The following GRID2 variants were observed in gnomAD, a reference collection of about 807,000 sequenced individuals.
The protein encoded by GRID2 is glutamate receptor ionotropic, delta-2.
In GRID2, 33 loss-of-function variants were observed where a neutral mutation model predicts 114.8. The ratio of observed to expected loss-of-function variants is 0.29; its 90% confidence interval spans 0.22 to 0.38. The LOEUF is 0.38. GRID2 is among the 10% of genes least tolerant of loss of function. GRID2 has a pLI of 1.00. For missense variants in GRID2, 1,184 were observed against 1,257.7 expected, an observed-to-expected ratio of 0.94 and a Z score of 0.89; for synonymous variants, 505 against 449.9, an observed-to-expected ratio of 1.12 and a Z score of -1.55.
Position 93,211,269 on chromosome 4 carries a change from A to G in GRID2, c.789+3812A>G, listed in dbSNP as rs537181531. On this transcript the variant is annotated intron_variant, in intron 5 of 15. Transcript: ENST00000282020. ...GGAAGAAATGGCATCTTCATATTGT[A>G]TAGGTGTAGCCTGAATAGACTAGCA... Among the ~76,000 whole-genome samples, 9 of 152,242 alleles carry G rather than the reference A, an allele frequency of 5.9e-5. No individual in the cohort carries two copies. The South Asian group carries it at 1.7e-3, about 28-fold the overall frequency.
In GRID2 at chr4:92,953,691, C is replaced by T. The variant is rs181333508; in HGVS notation, c.245-131304C>T. Among the ~76,000 whole-genome samples the T allele has an allele frequency of 2.0e-4, 31 of 152,120 alleles. No homozygotes were observed. In the East Asian group the frequency reaches 5.6e-3, roughly 28 times the overall value. Reference sequence around the variant, plus strand: ...TCCAACAGGAATCAATATGATGATTCATTAGCAATGAGCTCTCACTGAGAG... The same window carrying T: ...TCCAACAGGAATCAATATGATGATTTATTAGCAATGAGCTCTCACTGAGAG... On this transcript the variant is annotated intron_variant, in intron 2 of 15. Transcript: ENST00000282020.
At chr4:93,796,116 T>C (rs1578799567) in intron 1 of GRID2, among the ~76,000 whole-genome samples, 1 of 152,230 alleles carries the variant, frequency 6.6e-6, no homozygotes, top group East Asian at 1.9e-4. Flanking sequence ...GGTGGCCATT[T>C]CCAGATGCCC....
At position 92,876,278 on chromosome 4, in the gene GRID2, T is replaced by A. The variant is rs189838133; in HGVS notation, c.245-208717T>A. Among the ~76,000 whole-genome samples the A allele has an allele frequency of 4.1e-3, 617 of 148,680 alleles. 7 individuals carry two copies. The highest frequency in any genetic ancestry group is 0.013 in the African/African-American group (532 of 40,810). Reference sequence around the variant, plus strand: ...AAAAAACCCAATTATCTTTTTTTTTTATTATTTTATTTATTTATTTATTTA... The same window carrying A: ...AAAAAACCCAATTATCTTTTTTTTTAATTATTTTATTTATTTATTTATTTA... On this transcript the variant is annotated intron_variant, in intron 2 of 15. Coordinates refer to ENST00000282020, the MANE Select transcript of GRID2 (RefSeq NM_001510.4).
chr4:93,408,085 C>G (rs899539358), intron 9 of GRID2, among the ~76,000 whole-genome samples: 1 of 151,932 alleles, frequency 6.6e-6, no homozygotes, highest in African/African-American at 2.4e-5. Flanking sequence ...GTATTGAGGC[C>G]GAGTAGTCTG....
chr4:92,536,692 T>C (rs1736793713), intron 1 of GRID2, among the ~76,000 whole-genome samples: 1 of 152,156 alleles, frequency 6.6e-6, no homozygotes, highest in South Asian at 2.1e-4. Context: ...CTTTAAAAAA[T>C]AATTTTCTTC....
At chr4:93,228,124 T>C (rs1188304749) in intron 7 of GRID2, among the ~76,000 whole-genome samples, 2 of 152,182 alleles carry the variant, frequency 1.3e-5, no homozygotes, top group African/African-American at 2.4e-5. Context: ...CACTTATTGG[T>C]ACCAGTTTTC....
intron 8 of GRID2, among the ~76,000 whole-genome samples, chr4:93,290,870 T>TA (rs1753664655): frequency 2.3e-5 from 3 of 131,214 alleles, no homozygotes; most frequent in East Asian, 2.3e-4. Context: ...GCATACAAGT[T>TA]ACTTTTTTTT....
intron 1 of GRID2, among the ~76,000 whole-genome samples, chr4:92,399,371 G>A (rs1036909216): frequency 6.6e-6 from 1 of 152,050 alleles, no homozygotes; most frequent in Non-Finnish European, 1.5e-5. Context: ...CTCCTAATTG[G>A]AACCCATCTA....
chr4:93,688,745 T>C (rs1726291841), intron 14 of GRID2, among the ~76,000 whole-genome samples: 1 of 152,104 alleles, frequency 6.6e-6, no homozygotes, highest in Non-Finnish European at 1.5e-5. Context: ...GAATGTTTTT[T>C]ATTTAACCAT....
intron 1 of GRID2, among the ~76,000 whole-genome samples, chr4:92,362,106 G>T (rs1219205525): frequency 6.6e-6 from 1 of 152,026 alleles, no homozygotes; most frequent in African/African-American, 2.4e-5. Context: ...TGGCATGAAT[G>T]ATGTCCCCTT....
chr4:92,965,970 C>T (rs1184647527), intron 2 of GRID2, among the ~76,000 whole-genome samples: 1 of 151,824 alleles, frequency 6.6e-6, no homozygotes, highest in Non-Finnish European at 1.5e-5. Flanking sequence ...ATACCTTTTG[C>T]CAAAAACCAG....
chr4:92,846,707 C>T (rs764889762), intron 2 of GRID2, among the ~76,000 whole-genome samples: 1 of 152,056 alleles, frequency 6.6e-6, no homozygotes, highest in Admixed American at 6.6e-5. Context: ...GATGAAGTGA[C>T]GTGAATTCTT....
intron 13 of GRID2, among the ~76,000 whole-genome samples, chr4:93,559,349 C>T (rs1734659568): frequency 6.6e-6 from 1 of 152,040 alleles, no homozygotes; most frequent in Admixed American, 6.6e-5. Flanking sequence ...TGACAAAAGG[C>T]TAATATACAG....
chr4:93,462,864 TA>T (rs1439283299), intron 11 of GRID2, among the ~76,000 whole-genome samples: 1 of 152,200 alleles, frequency 6.6e-6, no homozygotes, highest in Non-Finnish European at 1.5e-5. Context: ...TTGAATATAA[TA>T]AAAATGACAT....
intron 2 of GRID2, among the ~76,000 whole-genome samples, chr4:93,068,350 T>C (rs1255969923): frequency 6.6e-6 from 1 of 152,082 alleles, no homozygotes; most frequent in Non-Finnish European, 1.5e-5. Flanking sequence ...ATCATAGTAC[T>C]GTATTTGCCT....
At chr4:93,805,332 G>A (rs1735009235) in intron 1 of GRID2, among the ~76,000 whole-genome samples, 1 of 152,152 alleles carries the variant, frequency 6.6e-6, no homozygotes, top group Non-Finnish European at 1.5e-5. Context: ...CTTCAAGAGA[G>A]GTAGATAAAA....
At chr4:93,754,988 A>G (rs1332875544) in intron 14 of GRID2, among the ~76,000 whole-genome samples, 1 of 152,188 alleles carries the variant, frequency 6.6e-6, no homozygotes, top group Non-Finnish European at 1.5e-5. Context: ...GAGTTATTGA[A>G]GCATCCCATA....
At chr4:92,696,828 G>A (rs551048571) in intron 2 of GRID2, among the ~76,000 whole-genome samples, 2 of 152,272 alleles carry the variant, frequency 1.3e-5, no homozygotes, top group Admixed American at 1.3e-4. Flanking sequence ...TTCTACTACT[G>A]TGAAGCTGAG....
At chr4:93,361,556 C>T (rs753397230) in intron 8 of GRID2, among the ~76,000 whole-genome samples, 47 of 151,578 alleles carry the variant, frequency 3.1e-4, no homozygotes, top group Non-Finnish European at 4.9e-4. Context: ...AATTTCCTAT[C>T]TGGTCATGCA....
Sources: gnomAD v4.1 joint callset for allele counts (sites outside exome capture counted in the v4.1 genomes callset) on GRCh38, gnomAD v4.1.1 for gene constraint, MANE v1.5 for transcripts, NCBI Gene and HGNC (gene_info 2026-07-23, HGNC 2026-07-21) for gene names.